Variants in CDH2 observed in about 807,000 individuals in gnomAD.
CDH2 encodes the protein cadherin-2.
Under a neutral mutation model 92.0 loss-of-function variants are expected in CDH2, and 17 were observed. That is an observed-to-expected ratio of 0.18 (90% CI 0.13 to 0.28). The LOEUF (loss-of-function observed/expected upper bound fraction) is 0.28, where lower values mean the gene tolerates loss of function less well. Ranked by LOEUF, CDH2 falls within the 10% of genes least tolerant of loss-of-function variation. CDH2 has a pLI of 1.00. For missense variants in CDH2, 862 were observed against 1,133.1 expected, an observed-to-expected ratio of 0.76 and a Z score of 3.44; for synonymous variants, 419 against 415.9, an observed-to-expected ratio of 1.01 and a Z score of -0.09.
chr18:28,139,673 T>A (rs1187337835), intron 2 of CDH2, among the ~76,000 whole-genome samples: 1 of 152,056 alleles, frequency 6.6e-6, no homozygotes, highest in Admixed American at 6.6e-5. Flanking sequence ...CACAGCCTAC[T>A]GATTCCTCTC....
intron 6 of CDH2, 140 bp downstream of exon 6, chr18:28,005,709 C>T (rs887474340): frequency 6.8e-6 from 4 of 587,650 alleles, no homozygotes; most frequent in East Asian, 5.8e-5. Flanking sequence ...AGTTACCTTC[C>T]TTCTTTCCCA....
chr18:27,982,277 C>A (rs2143944080), intron 14 of CDH2, among the ~76,000 whole-genome samples: 1 of 152,266 alleles, frequency 6.6e-6, no homozygotes, highest in South Asian at 2.1e-4. Flanking sequence ...CATTTATGGT[C>A]ATTCTCATCC....
chr18:28,026,324 C>T (rs547938990), intron 2 of CDH2, among the ~76,000 whole-genome samples: 2 of 152,180 alleles, frequency 1.3e-5, no homozygotes, highest in South Asian at 4.1e-4. Flanking sequence ...CTCTCCATTA[C>T]CAAACTTTCC....
intron 1 of CDH2, among the ~76,000 whole-genome samples, chr18:28,161,656 C>T (rs1375638699): frequency 6.6e-6 from 1 of 150,750 alleles, no homozygotes. Context: ...TCTGTCCTGA[C>T]AGATGCCCAT....
chr18:28,013,698 A>T lies in CDH2; in HGVS notation c.384T>A (p.Thr128=), dbSNP rs979584484. The change falls in exon 3 of 16, where the codon ACT becomes ACA. Residue 128 remains threonine (T), a synonymous_variant. Coordinates refer to ENST00000269141, the MANE Select transcript of CDH2 (RefSeq NM_001792.5). The part of the protein sequence containing the change: ...AVKLSLKPTL[T]EESVKESAEV... ...GATACTATACCTTCACTGACTCCTC[A>T]GTTAAGGTTGGCTTCAGGCTCAATT... 1.2e-6 allele frequency: 2 copies of T among 1,613,352 alleles called. No individual in the cohort carries two copies. The highest frequency in any genetic ancestry group is 1.7e-6 in the Non-Finnish European group (2 of 1,179,330).
chr18:27,979,194 T>C (rs1220154), intron 14 of CDH2, among the ~76,000 whole-genome samples: 49,305 of 151,830 alleles, frequency 0.32, 8,207 homozygotes, highest in East Asian at 0.46. Flanking sequence ...AATAGAAAAG[T>C]AGACAAACAG....
intron 6 of CDH2, among the ~76,000 whole-genome samples, chr18:27,944,820 T>G (rs149024974): frequency 1.0e-3 from 155 of 148,806 alleles, no homozygotes; most frequent in African/African-American, 3.8e-3. Context: ...GCCTGAGGTA[T>G]GAGGATGTCT....
intron 1 of CDH2, among the ~76,000 whole-genome samples, chr18:28,148,596 T>C (rs2016074143): frequency 6.6e-6 from 1 of 152,136 alleles, no homozygotes; most frequent in African/African-American, 2.4e-5. Flanking sequence ...TCTGCATTAA[T>C]TGTAGGAAAC....
chr18:27,996,367 T>C (rs1186358045), intron 7 of CDH2, among the ~76,000 whole-genome samples: 1 of 152,128 alleles, frequency 6.6e-6, no homozygotes, highest in Admixed American at 6.6e-5. Context: ...AGGCCAAGGA[T>C]GCTGCTAAAC....
At chr18:27,968,857 A>G (rs879371994) in intron 14 of CDH2, among the ~76,000 whole-genome samples, 26 of 152,372 alleles carry the variant, frequency 1.7e-4, no homozygotes, top group Middle Eastern at 3.4e-3. Context: ...TCTGGAAAAA[A>G]GCTGACTGCG....
chr18:27,986,964 C>T (rs2012254180), intron 11 of CDH2, among the ~76,000 whole-genome samples: 1 of 152,206 alleles, frequency 6.6e-6, no homozygotes, highest in Non-Finnish European at 1.5e-5. Context: ...CTTGACTAAT[C>T]ATTAACGAAC....
rs67532914 is a variant in CDH2, at chr18:28,043,890, A to ATTTTT, written c.173-29986_173-29982dup. On this transcript the variant is annotated intron_variant, in intron 2 of 15. Coordinates refer to ENST00000269141, the MANE Select transcript of CDH2 (RefSeq NM_001792.5). ...AGTCTCATCTTTCTCAGAATCTCGG[A>ATTTTT]TTTTTTTTTTTTTTTTTTTTTTTTT... 5.4e-3 allele frequency among the ~76,000 whole-genome samples: 494 copies of ATTTTT among 91,418 alleles called. 60 individuals carry two copies. Among genetic ancestry groups the ATTTTT allele is most frequent in the Non-Finnish European group, 8.6e-3 (396 of 45,986 alleles). The allele number at this position is 91,418 out of a possible 152,430, so 60.0% of individuals were successfully genotyped here. A position where few individuals can be genotyped will look rare whatever the true frequency, so the allele number is the denominator to read the frequency against.
Position 28,177,065 on chromosome 18 carries a change from GC to G in CDH2, c.-44del, listed in dbSNP as rs2016558943. ...GAGCGAAGAGCCGGAGGAGGCGGCG[GC>G]GGCGGCGGCGGCGGCGGAGGAGGAG... On this transcript the variant is annotated 5_prime_UTR_variant, in exon 1 of 16. Coordinates refer to ENST00000269141, the MANE Select transcript of CDH2 (RefSeq NM_001792.5). 2.2e-6 allele frequency: 3 copies of G among 1,339,980 alleles called. No homozygotes were observed. The African/African-American group carries it at 4.6e-5, about 20-fold the overall frequency. 83.0% of individuals were successfully genotyped at this position (1,339,980 alleles called of 1,614,324 possible). A position where few individuals can be genotyped will look rare whatever the true frequency, so the allele number is the denominator to read the frequency against.
chr18:28,019,825 T>C (rs942686007), intron 2 of CDH2, among the ~76,000 whole-genome samples: 3 of 152,172 alleles, frequency 2.0e-5, no homozygotes, highest in South Asian at 2.1e-4. Flanking sequence ...TCAGGCTCTA[T>C]GGAATGTGGT....
chr18:28,037,018 G>A (rs2013846107), intron 2 of CDH2, among the ~76,000 whole-genome samples: 1 of 152,058 alleles, frequency 6.6e-6, no homozygotes, highest in Non-Finnish European at 1.5e-5. Context: ...CTCTAAAGAA[G>A]GAACTTGGGT....
At chr18:27,955,759 C>CTTTTTTTTTTTTTTTTTTTTTTT (rs1219088194) in intron 15 of CDH2, among the ~76,000 whole-genome samples, 1 of 25,944 alleles carries the variant, frequency 3.9e-5, no homozygotes, top group East Asian at 2.2e-3. Context: ...TTCTTTATTT[C>CTTTTTTTTTTTTTTTTTTTTTTT]TGTTTTTTTT....
At chr18:27,965,990 GAAAAAAAAAAAAAA>G (rs373927434) in intron 14 of CDH2, among the ~76,000 whole-genome samples, 5 of 58,658 alleles carry the variant, frequency 8.5e-5, no homozygotes, top group South Asian at 1.5e-3. Flanking sequence ...TGTCTAAAAG[GAAAAAAAAAAAAAA>G]AAAAAAAAAA....
Position 28,156,554 on chromosome 18 carries a change from CATGTCACCTTCCCAGGTACAGA to C in CDH2, c.61-8792_61-8771del, listed in dbSNP as rs1568020517. Among the ~76,000 whole-genome samples, 195 of 124,112 alleles carry C rather than the reference CATGTCACCTTCCCAGGTACAGA, an allele frequency of 1.6e-3. 5 individuals carry two copies. Among genetic ancestry groups the C allele is most frequent in the Middle Eastern group, 4.5e-3 (1 of 222 alleles). The allele number at this position is 124,112 out of a possible 152,430, so 81.4% of individuals were successfully genotyped here. A position where few individuals can be genotyped will look rare whatever the true frequency, so the allele number is the denominator to read the frequency against. On this transcript the variant is annotated intron_variant, in intron 1 of 15. Transcript: ENST00000269141. ...CAGCATGTCACCTTCCCAGGTACAG[CATGTCACCTTCCCAGGTACAGA>C]ATGTCACCTTCCCAGGTACAGCATG... is the stretch of plus-strand genomic sequence containing the variant.
At chr18:27,952,581 G>T (rs1025117788) in intron 15 of CDH2, among the ~76,000 whole-genome samples, 1 of 152,142 alleles carries the variant, frequency 6.6e-6, no homozygotes, top group Non-Finnish European at 1.5e-5. Context: ...ACCCTAAGCA[G>T]TCAAGCTCAG....
Sources: allele counts gnomAD v4.1 joint callset (sites outside exome capture counted in the v4.1 genomes callset), GRCh38; gene constraint gnomAD v4.1.1; transcripts MANE v1.5; gene names NCBI Gene and HGNC (gene_info 2026-07-23, HGNC 2026-07-21).